Variants in MINDY3 observed in about 807,000 individuals in gnomAD.
MINDY3 encodes MINDY lysine 48 deubiquitinase 3, also known as ubiquitin carboxyl-terminal hydrolase MINDY-3.
In MINDY3, 38 loss-of-function variants were observed where a neutral mutation model predicts 69.2. The ratio of observed to expected loss-of-function variants is 0.55; its 90% CI spans 0.42 to 0.72. The LOEUF (loss-of-function observed/expected upper bound fraction) is 0.72. Among genes scored for constraint, MINDY3 ranks in the 30% least tolerant of loss-of-function variants. The pLI is 0.00. For synonymous variants in MINDY3, 192 were observed against 180.1 expected, an observed-to-expected ratio of 1.07 and a Z score of -0.53; for missense variants, 522 against 519.0, an observed-to-expected ratio of 1.01 and a Z score of -0.06.
At position 15,778,881 on chromosome 10, in the gene MINDY3, TTTACAG is replaced by T; in HGVS notation, c.*105_*110del. Reference sequence around the variant, plus strand: ...ACTGAAAATGTGTTTTTAATTGTTATTTACAGTTAATCAGTGATACCAGTGTTTAGC... The same window carrying T: ...ACTGAAAATGTGTTTTTAATTGTTATTTAATCAGTGATACCAGTGTTTAGC... On this transcript the variant is annotated 3_prime_UTR_variant, in exon 15 of 15. Coordinates refer to ENST00000277632, the MANE Select transcript of MINDY3 (RefSeq NM_024948.4). 1.2e-6 allele frequency: 1 copy of T among 813,820 alleles called. No individual in the cohort carries two copies. Among genetic ancestry groups the T allele is most frequent in the African/African-American group, 1.7e-5 (1 of 57,542 alleles). 50.4% of individuals were successfully genotyped at this position (813,820 alleles called of 1,614,324 possible). A position where few individuals can be genotyped will look rare whatever the true frequency, so the allele number is the denominator to read the frequency against.
intron 11 of MINDY3, among the ~76,000 whole-genome samples, chr10:15,793,090 G>C (rs1369209892): frequency 6.6e-6 from 1 of 152,092 alleles, no homozygotes; most frequent in Non-Finnish European, 1.5e-5. Context: ...CAGTATCTTT[G>C]ATCATATTAA....
Position 15,786,649 on chromosome 10 carries a change from C to A in MINDY3, c.1029-1G>T. On this transcript the variant is annotated splice_acceptor_variant, in intron 12 of 14. Coordinates refer to ENST00000277632, the MANE Select transcript of MINDY3 (RefSeq NM_024948.4). LOFTEE classifies it high-confidence loss of function. The stretch of plus-strand genomic sequence containing the variant: ...TAATTTATTCTTCATGAGATTTATA[C>A]TACGGGGAGAAAGAAGAAAAACAGT... 1 of 1,534,494 alleles carries A rather than the reference C, an allele frequency of 6.5e-7. No homozygotes were observed. Among genetic ancestry groups the A allele is most frequent in the South Asian group, 1.2e-5 (1 of 86,202 alleles).
chr10:15,819,877 G>C (rs1588584118), intron 9 of MINDY3, among the ~76,000 whole-genome samples: 1 of 152,030 alleles, frequency 6.6e-6, no homozygotes, highest in Non-Finnish European at 1.5e-5. Context: ...AAGATCTTGA[G>C]GGGAAAAACG....
At position 15,841,561 on chromosome 10, in the gene MINDY3, C is replaced by G. The variant is rs1406924322; in HGVS notation, c.274G>C (p.Asp92His). Residue 92 changes from aspartate to histidine, a missense_variant, in exon 4 of 15, where the codon GAT becomes CAT. Asp to His is a moderately conservative substitution (Grantham distance 81, BLOSUM62 -1). Transcript: ENST00000277632. ...QKELLCHTLC[D>H]ILESACCDHS... ...TCACAACAAGCACTTTCTAAAATAT[C>G]ACACAAGGTATGACAAAGGAGTTCC... 3 of 1,610,926 alleles carry G rather than the reference C, an allele frequency of 1.9e-6. No individual in the cohort carries two copies. Among genetic ancestry groups the G allele is most frequent in the Non-Finnish European group, 2.5e-6 (3 of 1,178,132 alleles).
chr10:15,795,066 T>G (rs1374327158), intron 11 of MINDY3, among the ~76,000 whole-genome samples: 2 of 150,740 alleles, frequency 1.3e-5, no homozygotes, highest in African/African-American at 5.0e-5. Context: ...CACATAACGA[T>G]TACATGAAAG....
intron 1 of MINDY3, among the ~76,000 whole-genome samples, chr10:15,858,328 G>A (rs554827400): frequency 1.3e-4 from 20 of 152,266 alleles, no homozygotes; most frequent in African/African-American, 4.8e-4. Context: ...CATGATTAAA[G>A]GTGGCAGAGC....
At chr10:15,809,872 CTCTT>C (rs1353985846) in intron 10 of MINDY3, among the ~76,000 whole-genome samples, 2 of 152,026 alleles carry the variant, frequency 1.3e-5, no homozygotes, top group Non-Finnish European at 2.9e-5. Context: ...GAAAAGATGA[CTCTT>C]TCTATATCAG....
intron 10 of MINDY3, among the ~76,000 whole-genome samples, chr10:15,814,912 T>C (rs960147536): frequency 6.6e-6 from 1 of 152,228 alleles, no homozygotes; most frequent in Non-Finnish European, 1.5e-5. Context: ...CATTCGACAC[T>C]GTTCCTTGTA....
intron 10 of MINDY3, among the ~76,000 whole-genome samples, chr10:15,814,982 A>G (rs1839256462): frequency 6.6e-6 from 1 of 152,182 alleles, no homozygotes; most frequent in Admixed American, 6.5e-5. Context: ...CTTAAACATC[A>G]ATTATAAAAT....
At chr10:15,790,244 T>C (rs1837307449) in intron 11 of MINDY3, among the ~76,000 whole-genome samples, 1 of 152,062 alleles carries the variant, frequency 6.6e-6, no homozygotes. Context: ...GAAGTTATGA[T>C]TGTAGAAAGG....
intron 1 of MINDY3, among the ~76,000 whole-genome samples, chr10:15,849,325 G>C (rs1834101456): frequency 6.6e-6 from 1 of 152,188 alleles, no homozygotes; most frequent in African/African-American, 2.4e-5. Flanking sequence ...ACGGGGGTAG[G>C]ATGGAGGTGC....
At chr10:15,828,088 T>A (rs1334579422) in intron 8 of MINDY3, among the ~76,000 whole-genome samples, 1 of 152,196 alleles carries the variant, frequency 6.6e-6, no homozygotes, top group Non-Finnish European at 1.5e-5. Flanking sequence ...AACTCCTTGG[T>A]CTATGGCAAA....
intron 2 of MINDY3, among the ~76,000 whole-genome samples, chr10:15,846,524 C>G (rs1260950010): frequency 6.6e-6 from 1 of 151,810 alleles, no homozygotes; most frequent in African/African-American, 2.4e-5. Context: ...TCAAATTTTT[C>G]CTCATTTTAA....
chr10:15,852,988 T>C (rs1336710667), intron 1 of MINDY3, among the ~76,000 whole-genome samples: 2 of 152,220 alleles, frequency 1.3e-5, no homozygotes, highest in East Asian at 1.9e-4. Flanking sequence ...TTATTTAAAG[T>C]GTAGGGGAAG....
Position 15,783,172 on chromosome 10 carries a change from G to A in MINDY3, c.1117-946C>T, listed in dbSNP as rs567835949. Among the ~76,000 whole-genome samples, 403 of 152,274 alleles carry A rather than the reference G, an allele frequency of 2.6e-3. 1 individual carries two copies. The highest frequency in any genetic ancestry group is 6.8e-3 in the Middle Eastern group (2 of 294). Reference sequence around the variant, plus strand: ...CCACTTTAGAGACAGGGGATGGGAGGTGGAGACCTCCCAGTGCTGTTCAAG... The same window carrying A: ...CCACTTTAGAGACAGGGGATGGGAGATGGAGACCTCCCAGTGCTGTTCAAG... On this transcript the variant is annotated intron_variant, in intron 13 of 14. Coordinates refer to ENST00000277632, the MANE Select transcript of MINDY3 (RefSeq NM_024948.4).
chr10:15,800,637 C>T (rs1469208749), intron 10 of MINDY3, among the ~76,000 whole-genome samples: 2 of 151,912 alleles, frequency 1.3e-5, no homozygotes, highest in East Asian at 1.9e-4. Flanking sequence ...CTAGTGATGC[C>T]GGAAGTTCTC....
At chr10:15,808,408 C>G (rs143433468) in intron 10 of MINDY3, among the ~76,000 whole-genome samples, 1 of 152,264 alleles carries the variant, frequency 6.6e-6, no homozygotes, top group African/African-American at 2.4e-5. Flanking sequence ...ACAGCTTTTC[C>G]TTAACACCGT....
chr10:15,849,525 G>T (rs941598293), intron 1 of MINDY3, among the ~76,000 whole-genome samples: 2 of 151,582 alleles, frequency 1.3e-5, no homozygotes, highest in African/African-American at 4.9e-5. Flanking sequence ...TAGAGATGAT[G>T]CTGACGTAAT....
At chr10:15,822,337 C>T (rs1016098235) in intron 8 of MINDY3, among the ~76,000 whole-genome samples, 8 of 146,494 alleles carry the variant, frequency 5.5e-5, no homozygotes, top group African/African-American at 2.2e-4. Flanking sequence ...TCTCTCTGTA[C>T]ACACACACAC....
Sources: gnomAD v4.1 joint callset for allele counts (sites outside exome capture counted in the v4.1 genomes callset) on GRCh38, gnomAD v4.1.1 for gene constraint, MANE v1.5 for transcripts, NCBI Gene and HGNC (gene_info 2026-07-23, HGNC 2026-07-21) for gene names.